CTNND2: variants seen among roughly 807,000 people sequenced by gnomAD.
CTNND2 encodes the protein catenin delta-2.
In CTNND2, 22 loss-of-function variants were observed where a neutral mutation model predicts 144.4. That is an observed-to-expected ratio of 0.15 (90% confidence interval 0.11 to 0.22). The LOEUF is 0.22. CTNND2 is among the 10% of genes least tolerant of loss of function. CTNND2 has a pLI of 1.00. For missense variants in CTNND2, 1,353 were observed against 1,618.8 expected, an observed-to-expected ratio of 0.84 and a Z score of 2.82; for synonymous variants, 751 against 695.6, an observed-to-expected ratio of 1.08 and a Z score of -1.25.
chr5:11,629,236 C>T (rs914937764), intron 2 of CTNND2, among the ~76,000 whole-genome samples: 1 of 151,876 alleles, frequency 6.6e-6, no homozygotes, highest in Non-Finnish European at 1.5e-5. Context: ...AGCCTTGTTG[C>T]CACTGCCTAA....
intron 1 of CTNND2, among the ~76,000 whole-genome samples, chr5:11,895,181 C>A (rs142924378): frequency 2.0e-5 from 3 of 152,276 alleles, no homozygotes; most frequent in Non-Finnish European, 4.4e-5. Flanking sequence ...CACCTGTGAG[C>A]CCCGGACTGC....
intron 1 of CTNND2, among the ~76,000 whole-genome samples, chr5:11,816,412 G>A (rs1278476683): frequency 6.6e-6 from 1 of 151,640 alleles, no homozygotes; most frequent in African/African-American, 2.4e-5. Flanking sequence ...GAGAGAGGGA[G>A]TCCCAAGGCT....
chr5:11,017,298 G>T (rs1476596214), intron 18 of CTNND2, among the ~76,000 whole-genome samples: 1 of 152,026 alleles, frequency 6.6e-6, no homozygotes, highest in Non-Finnish European at 1.5e-5. Context: ...AGCCATGTTG[G>T]GGGTGAAGAC....
chr5:11,189,844 T>C (rs911667751), intron 11 of CTNND2, among the ~76,000 whole-genome samples: 1 of 152,194 alleles, frequency 6.6e-6, no homozygotes, highest in Admixed American at 6.5e-5. Flanking sequence ...CTTCTGTCTC[T>C]AGGACTGAGG....
intron 1 of CTNND2, among the ~76,000 whole-genome samples, chr5:11,880,526 T>C (rs920675943): frequency 1.4e-4 from 21 of 145,498 alleles, no homozygotes; most frequent in Non-Finnish European, 2.7e-4. Context: ...CCACTACTAC[T>C]ACTACCACCA....
At chr5:11,579,447 C>T (rs1561582083) in intron 2 of CTNND2, among the ~76,000 whole-genome samples, 1 of 152,054 alleles carries the variant, frequency 6.6e-6, no homozygotes, top group Non-Finnish European at 1.5e-5. Flanking sequence ...AATAGTGTAC[C>T]AGATGCTCTT....
chr5:11,412,090 A>G (rs1761590331), intron 3 of CTNND2, 21 bp from the exon 4 acceptor site: 2 of 1,594,950 alleles, frequency 1.3e-6, no homozygotes, highest in South Asian at 1.1e-5. Context: ...GAAAATACAG[A>G]GATATAATGC....
chr5:11,180,800 T>C (rs58736139), intron 11 of CTNND2, among the ~76,000 whole-genome samples: 12,758 of 152,288 alleles, frequency 0.084, 1,482 homozygotes, highest in African/African-American at 0.26. Flanking sequence ...CTGAAATACA[T>C]CACTCCTAAC....
chr5:11,189,760 G>A (rs61751812), intron 11 of CTNND2, among the ~76,000 whole-genome samples: 12 of 152,064 alleles, frequency 7.9e-5, no homozygotes, highest in Admixed American at 7.9e-4. Context: ...GTCGTTCAAG[G>A]GTTAACTATA....
At chr5:11,430,863 T>C (rs1763232020) in intron 3 of CTNND2, among the ~76,000 whole-genome samples, 1 of 152,218 alleles carries the variant, frequency 6.6e-6, no homozygotes, top group Non-Finnish European at 1.5e-5. Context: ...GAGCTATGCA[T>C]AGGGGTCATA....
At chr5:11,881,879 C>T (rs1736142965) in intron 1 of CTNND2, among the ~76,000 whole-genome samples, 1 of 152,006 alleles carries the variant, frequency 6.6e-6, no homozygotes, top group African/African-American at 2.4e-5. Context: ...ATTGTCTCCA[C>T]ATTCTTGCCA....
chr5:11,296,422 C>G (rs187998496), intron 9 of CTNND2, among the ~76,000 whole-genome samples: 1 of 151,962 alleles, frequency 6.6e-6, no homozygotes, highest in Non-Finnish European at 1.5e-5. Flanking sequence ...GAAGTCAGTG[C>G]GGCAATTCCT....
At chr5:11,439,598 T>C (rs1235186462) in intron 3 of CTNND2, among the ~76,000 whole-genome samples, 1 of 152,090 alleles carries the variant, frequency 6.6e-6, no homozygotes, top group Non-Finnish European at 1.5e-5. Flanking sequence ...ACTGGCACAA[T>C]CATAGATCAC....
intron 3 of CTNND2, among the ~76,000 whole-genome samples, chr5:11,536,739 G>C (rs1054775639): frequency 4.6e-5 from 7 of 151,906 alleles, no homozygotes; most frequent in Admixed American, 1.3e-4. Context: ...GGGTGGGAGG[G>C]GGGTGAGGGA....
intron 1 of CTNND2, among the ~76,000 whole-genome samples, chr5:11,808,615 G>A (rs1792139665): frequency 6.6e-6 from 1 of 152,052 alleles, no homozygotes; most frequent in Non-Finnish European, 1.5e-5. Flanking sequence ...CTTCTAGTTG[G>A]TCTCACCCAT....
In CTNND2 at chr5:11,240,256, C is replaced by G. The variant is rs372816137; in HGVS notation, c.1629-3433G>C. 6.9e-4 allele frequency among the ~76,000 whole-genome samples: 88 copies of G among 128,172 alleles called. 2 individuals carry two copies. The East Asian group carries it at 0.015, about 21-fold the overall frequency. The allele number at this position is 128,172 out of a possible 152,430, so 84.1% of individuals were successfully genotyped here. ...ACACACCAACACACACACTCACACA[C>G]CCAACACACACACACCCAACACACA... On this transcript the variant is annotated intron_variant, in intron 9 of 21. Coordinates refer to ENST00000304623, the MANE Select transcript of CTNND2 (RefSeq NM_001332.4).
intron 3 of CTNND2, among the ~76,000 whole-genome samples, chr5:11,559,999 C>G (rs72732994): frequency 0.11 from 17,055 of 152,156 alleles, 1,274 homozygotes; most frequent in East Asian, 0.29. Flanking sequence ...TCAATGTGGC[C>G]CACATTGCCA....
chr5:11,561,979 G>A (rs1421073797), intron 3 of CTNND2, among the ~76,000 whole-genome samples: 1 of 152,082 alleles, frequency 6.6e-6, no homozygotes, highest in Admixed American at 6.5e-5. Flanking sequence ...CCAGGAGGGG[G>A]AGGCTGCAGT....
At chr5:11,473,798 C>G (rs1037265074) in intron 3 of CTNND2, among the ~76,000 whole-genome samples, 14 of 152,202 alleles carry the variant, frequency 9.2e-5, no homozygotes, top group Non-Finnish European at 2.1e-4. Context: ...GAGACCAGAG[C>G]ATCCAAGAAG....
Sources: allele counts gnomAD v4.1 joint callset (sites outside exome capture counted in the v4.1 genomes callset), GRCh38; gene constraint gnomAD v4.1.1; transcripts MANE v1.5; gene names NCBI Gene and HGNC (gene_info 2026-07-23, HGNC 2026-07-21).